The following KIF24 variants were observed in gnomAD, a reference collection of about 807,000 sequenced individuals.
The protein encoded by KIF24 is kinesin-like protein KIF24.
KIF24 carries 81 observed loss-of-function variants against 118.9 expected under a neutral mutation model. The observed-to-expected ratio is 0.68, with a 90% CI of 0.57 to 0.82. KIF24 has a LOEUF of 0.82. Ranked by LOEUF, KIF24 falls within the 40% of genes least tolerant of loss-of-function variation. The pLI is 0.00. For synonymous variants in KIF24, 599 were observed against 610.0 expected (o/e 0.98, Z 0.27); for missense variants, 1,560 against 1,661.6 (o/e 0.94, Z 1.06).
intron 1 of KIF24, among the ~76,000 whole-genome samples, chr9:34,317,795 T>C (rs1449775235): frequency 1.3e-5 from 2 of 152,198 alleles, no homozygotes; most frequent in African/African-American, 2.4e-5. Context: ...AGTAGTAATG[T>C]TGGCAATTCA....
intron 4 of KIF24, 129 bp from the exon 5 acceptor site, chr9:34,290,518 C>T: frequency 1.8e-6 from 1 of 563,964 alleles, no homozygotes; most frequent in Non-Finnish European, 3.1e-6. Context: ...AACACATAAA[C>T]CTTTAAGGAG....
chr9:34,319,357 T>C (rs1837439146), intron 1 of KIF24: 1 of 874,372 alleles, frequency 1.1e-6, no homozygotes, highest in Non-Finnish European at 2.0e-6. Context: ...CTGCAGAAAC[T>C]CCTGGCTAGG....
chr9:34,280,720 C>T (rs1045478864), intron 6 of KIF24, among the ~76,000 whole-genome samples: 9 of 152,130 alleles, frequency 5.9e-5, no homozygotes, highest in African/African-American at 1.7e-4. Flanking sequence ...GGGCGCTATA[C>T]TCAGGTTTTG....
At chr9:34,311,758 GTATATATACA>G (rs1837173307) in intron 1 of KIF24, among the ~76,000 whole-genome samples, 1 of 120,888 alleles carries the variant, frequency 8.3e-6, no homozygotes, top group African/African-American at 3.1e-5. Context: ...GTATATATGT[GTATATATACA>G]TATATATACA....
chr9:34,254,284 G>GGT lies in KIF24; in HGVS notation c.*94_*95dup, dbSNP rs1262159883. 1 of 1,357,028 alleles carries GGT rather than the reference G, an allele frequency of 7.4e-7. No homozygotes were observed. The highest frequency in any genetic ancestry group is 9.8e-7 in the Non-Finnish European group (1 of 1,023,836). 84.1% of individuals were successfully genotyped at this position (1,357,028 alleles called of 1,614,324 possible). ...TAGGCAGGACCAGCGTGTGGGTTCTGGTGTGTGCAGGGAGGACCTGGCAGA... is the reference window on the plus strand; with the variant it reads ...TAGGCAGGACCAGCGTGTGGGTTCTGGTGTGTGTGCAGGGAGGACCTGGCAGA... On this transcript the variant is annotated 3_prime_UTR_variant, in exon 13 of 13. Coordinates refer to ENST00000402558, the MANE Select transcript of KIF24 (RefSeq NM_194313.4).
intron 4 of KIF24, among the ~76,000 whole-genome samples, chr9:34,294,808 T>G (rs182203903): frequency 6.6e-6 from 1 of 152,182 alleles, no homozygotes. Context: ...TAATCTATAC[T>G]GACAGAAAGT....
chr9:34,304,401 C>CA (rs1836837903), intron 3 of KIF24, among the ~76,000 whole-genome samples: 1 of 151,760 alleles, frequency 6.6e-6, no homozygotes, highest in African/African-American at 2.4e-5. Context: ...GTGGTAATGA[C>CA]AAAAAAAGTA....
At chr9:34,299,635 T>C (rs1348822378) in intron 3 of KIF24, among the ~76,000 whole-genome samples, 1 of 152,084 alleles carries the variant, frequency 6.6e-6, no homozygotes, top group Non-Finnish European at 1.5e-5. Flanking sequence ...GTAACCCCAA[T>C]TGCCTTCATG....
intron 1 of KIF24, among the ~76,000 whole-genome samples, chr9:34,327,838 T>TAAAAAA (rs371382729): frequency 4.1e-5 from 5 of 123,034 alleles, no homozygotes; most frequent in Admixed American, 2.6e-4. Context: ...TTTTCTCTAA[T>TAAAAAA]AAAAAAAAAA....
intron 1 of KIF24, among the ~76,000 whole-genome samples, chr9:34,321,701 G>C (rs2131833773): frequency 6.6e-6 from 1 of 151,072 alleles, no homozygotes; most frequent in Middle Eastern, 3.4e-3. Context: ...CAAACTCCTG[G>C]GCTCAACCAA....
rs757363593 is a variant in KIF24 at position 34,256,488 on chromosome 9, G to A, written c.3119C>T (p.Thr1040Met). 40 of 1,613,662 alleles carry A rather than the reference G, an allele frequency of 2.5e-5. No homozygotes were observed. Among genetic ancestry groups the A allele is most frequent in the African/African-American group, 4.0e-5 (3 of 74,894 alleles). The stretch of plus-strand genomic sequence containing the variant: ...GAGTCCAGAAGCATATTCAGCATGC[G>A]TGCCTAACTGCCCCCTAGGATCCTC... ...PGEDPRGQLG[T>M]HAEYASGLMS... Residue 1040 changes from threonine to methionine, a missense_variant, in exon 11 of 13, where the codon ACG becomes ATG. By Grantham distance (81) the Thr-to-Met change is moderately conservative. Coordinates refer to ENST00000402558, the MANE Select transcript of KIF24 (RefSeq NM_194313.4).
chr9:34,255,113 C>T lies in KIF24; in HGVS notation c.3925G>A (p.Gly1309Ser), dbSNP rs920240220. Residue 1309 changes from glycine to serine, a missense_variant, in exon 12 of 13, where the codon GGC becomes AGC. This residue lies in a region of KIF24 where 591 missense variants were observed against 655.6 expected (regional missense o/e 0.90). Transcript: ENST00000402558. ...CTCATCAGCGTCTCCTCCTTGAAGC[C>T]GAGCTCAGCCATTTCATCCAGCTGT... Reference protein sequence around the residue: ...QEQLDEMAELGFKEETLMSQL... With the variant: ...QEQLDEMAELSFKEETLMSQL... 1.0e-5 allele frequency: 16 copies of T among 1,595,684 alleles called. No homozygotes were observed. Among genetic ancestry groups the T allele is most frequent in the African/African-American group, 9.4e-5 (7 of 74,538 alleles).
At chr9:34,299,347 A>G (rs1836604916) in intron 3 of KIF24, among the ~76,000 whole-genome samples, 1 of 151,708 alleles carries the variant, frequency 6.6e-6, no homozygotes, top group Non-Finnish European at 1.5e-5. Context: ...CGCCTGGCTG[A>G]TTTTTGTAGT....
In KIF24 at chr9:34,256,450, T is replaced by C; in HGVS notation, c.3157A>G (p.Thr1053Ala). The part of the protein sequence containing the change: ...EYASGLMSPL[T>A]MSLLENPDNE... ...TCTGGGTTCTCCAGGAGGGACATGG[T>C]GAGGGGAGACATGAGTCCAGAAGCA... is the stretch of plus-strand genomic sequence containing the variant. The change falls in exon 11 of 13, where the codon ACC (threonine) becomes GCC (alanine). Residue 1053 changes from threonine to alanine, a missense_variant. This residue lies in a region of KIF24 where 591 missense variants were observed against 655.6 expected (regional missense o/e 0.90). Coordinates refer to ENST00000402558, the MANE Select transcript of KIF24 (RefSeq NM_194313.4). The C allele has an allele frequency of 1.9e-6, 3 of 1,613,760 alleles. No homozygotes were observed. In the East Asian group the frequency reaches 6.7e-5, roughly 36 times the overall value.
chr9:34,333,065 C>T (rs561902480), upstream of KIF24, among the ~76,000 whole-genome samples: 21 of 152,184 alleles, frequency 1.4e-4, no homozygotes, highest in Admixed American at 1.2e-3. Context: ...GGAGGAGGGT[C>T]TGGGCAAATT....
At chr9:34,314,529 AAAC>A (rs1188850415) in intron 1 of KIF24, among the ~76,000 whole-genome samples, 2 of 152,192 alleles carry the variant, frequency 1.3e-5, no homozygotes, top group African/African-American at 2.4e-5. Context: ...GAAAACCAAA[AAAC>A]AACAAGAAAT....
intron 4 of KIF24, among the ~76,000 whole-genome samples, chr9:34,296,231 A>G (rs950899469): frequency 7.3e-6 from 1 of 137,648 alleles, no homozygotes; most frequent in South Asian, 2.4e-4. Context: ...AAAAAAAAAA[A>G]AAAACATCTA....
At chr9:34,263,233 A>C in intron 8 of KIF24, 61 bp from the exon 9 acceptor site, 1 of 1,192,326 alleles carries the variant, frequency 8.4e-7, no homozygotes, top group East Asian at 2.4e-5. Context: ...AACAGACCTG[A>C]TGCCGCCTCC....
intron 1 of KIF24, among the ~76,000 whole-genome samples, chr9:34,311,613 T>C (rs1476358997): frequency 1.3e-5 from 2 of 151,302 alleles, no homozygotes; most frequent in Admixed American, 6.6e-5. Flanking sequence ...ATTTGCTTAA[T>C]AAAAAGAGAC....
Sources: gnomAD v4.1 joint callset for allele counts (sites outside exome capture counted in the v4.1 genomes callset) on GRCh38, gnomAD v4.1.1 for gene constraint, gnomAD v4.1.1 regional missense constraint, MANE v1.5 for transcripts, NCBI Gene and HGNC (gene_info 2026-07-23, HGNC 2026-07-21) for gene names.